SNTG1: variants seen among roughly 807,000 people sequenced by gnomAD.
SNTG1 encodes the protein syntrophin gamma 1.
SNTG1 carries 39 observed loss-of-function variants against 74.7 expected under a neutral mutation model. The observed-to-expected ratio is 0.52, with a 90% CI of 0.40 to 0.68. The LOEUF (loss-of-function observed/expected upper bound fraction) is 0.68. Ranked by LOEUF, SNTG1 falls within the 30% of genes least tolerant of loss-of-function variation. The pLI is 0.00. For missense variants in SNTG1, 685 were observed against 609.5 expected, an observed-to-expected ratio of 1.12 and a Z score of -1.30; for synonymous variants, 254 against 217.1, an observed-to-expected ratio of 1.17 and a Z score of -1.49.
At chr8:50,030,048 G>A (rs1191392812) in intron 1 of SNTG1, among the ~76,000 whole-genome samples, 3 of 152,016 alleles carry the variant, frequency 2.0e-5, no homozygotes. Context: ...ATTTTTACTG[G>A]TGTGAGATGA....
At chr8:50,706,968 G>T (rs1196088429) in intron 16 of SNTG1, among the ~76,000 whole-genome samples, 1 of 151,778 alleles carries the variant, frequency 6.6e-6, no homozygotes, top group South Asian at 2.1e-4. Context: ...TTTATGTATT[G>T]ATTTTTCTCT....
At chr8:50,154,443 C>T (rs1028190641) in intron 1 of SNTG1, among the ~76,000 whole-genome samples, 2 of 152,096 alleles carry the variant, frequency 1.3e-5, no homozygotes, top group African/African-American at 4.8e-5. Context: ...TGTCCTACCC[C>T]CACTGTCCAA....
chr8:50,702,188 T>C (rs557731347), intron 15 of SNTG1, among the ~76,000 whole-genome samples: 106 of 152,256 alleles, frequency 7.0e-4, no homozygotes, highest in Non-Finnish European at 1.3e-3. Context: ...CAATAATTTG[T>C]ACTAATATAT....
intron 15 of SNTG1, among the ~76,000 whole-genome samples, chr8:50,671,665 G>A (rs7000265): frequency 0.94 from 143,003 of 152,108 alleles, 67,265 homozygotes; most frequent in East Asian, 1. Context: ...AACTAGAAAT[G>A]CCATTTGACC....
At chr8:50,434,671 G>T (rs1421468538) in intron 4 of SNTG1, among the ~76,000 whole-genome samples, 3 of 152,058 alleles carry the variant, frequency 2.0e-5, no homozygotes, top group Non-Finnish European at 4.4e-5. Flanking sequence ...GTGTCTGTTG[G>T]CTGCATAAAT....
intron 8 of SNTG1, among the ~76,000 whole-genome samples, chr8:50,455,947 T>G (rs2093501265): frequency 6.6e-6 from 1 of 152,242 alleles, no homozygotes; most frequent in Non-Finnish European, 1.5e-5. Flanking sequence ...TTCTTTGAAT[T>G]AACTTCCACC....
chr8:50,314,892 C>G (rs1455935446), intron 2 of SNTG1, among the ~76,000 whole-genome samples: 1 of 149,724 alleles, frequency 6.7e-6, no homozygotes, highest in Admixed American at 6.8e-5. Context: ...GTGAACTTTT[C>G]TGTCTACTAG....
At chr8:50,651,396 C>T (rs995680239) in intron 13 of SNTG1, among the ~76,000 whole-genome samples, 1 of 151,924 alleles carries the variant, frequency 6.6e-6, no homozygotes, top group African/African-American at 2.4e-5. Context: ...TTGTTGAATC[C>T]CTCAAGTTTG....
chr8:50,508,445 A>G (rs2094030445), intron 9 of SNTG1, among the ~76,000 whole-genome samples: 1 of 152,170 alleles, frequency 6.6e-6, no homozygotes, highest in Admixed American at 6.5e-5. Context: ...CAGTAATGGG[A>G]TTGCTGGGTC....
At chr8:50,192,417 G>A (rs1197438962) in intron 2 of SNTG1, among the ~76,000 whole-genome samples, 2 of 152,062 alleles carry the variant, frequency 1.3e-5, no homozygotes, top group East Asian at 3.9e-4. Context: ...TTGATGTTGA[G>A]CATTTTTTTC....
At chr8:50,606,052 G>A (rs930897140) in intron 13 of SNTG1, among the ~76,000 whole-genome samples, 1 of 151,906 alleles carries the variant, frequency 6.6e-6, no homozygotes, top group African/African-American at 2.4e-5. Context: ...TTTTTGCATT[G>A]GTGTTCATCA....
intron 2 of SNTG1, among the ~76,000 whole-genome samples, chr8:50,230,310 A>T (rs1189886838): frequency 3.8e-5 from 1 of 26,634 alleles, no homozygotes; most frequent in African/African-American, 4.7e-5. Context: ...AAATCTCTAA[A>T]AAGATTGAGA....
intron 1 of SNTG1, among the ~76,000 whole-genome samples, chr8:49,925,848 T>C (rs1563354750): frequency 6.6e-6 from 1 of 152,200 alleles, no homozygotes; most frequent in Admixed American, 6.5e-5. Flanking sequence ...GACATTTAGG[T>C]TGCTTTCAGT....
rs75346826 is a variant in SNTG1, at chr8:50,431,879, T to C, written c.163-6664T>C. Among the ~76,000 whole-genome samples the C allele has an allele frequency of 2.3e-4, 35 of 152,334 alleles. No individual in the cohort carries two copies. The East Asian group carries it at 6.7e-3, about 29-fold the overall frequency. Reference sequence around the variant, plus strand: ...TCAGCCACTTTTTAATTGGGTTGTTTGTGTTCTTACTGAGTGTTATGAGTT... The same window carrying C: ...TCAGCCACTTTTTAATTGGGTTGTTCGTGTTCTTACTGAGTGTTATGAGTT... On this transcript the variant is annotated intron_variant, in intron 4 of 18. Transcript: ENST00000642720.
At chr8:49,946,748 G>A (rs949708434) in intron 1 of SNTG1, among the ~76,000 whole-genome samples, 1 of 152,018 alleles carries the variant, frequency 6.6e-6, no homozygotes, top group African/African-American at 2.4e-5. Context: ...CGATATTCTT[G>A]TTCCTTTTAC....
intron 1 of SNTG1, among the ~76,000 whole-genome samples, chr8:50,024,693 T>C (rs1004992855): frequency 2.0e-5 from 3 of 152,108 alleles, no homozygotes; most frequent in Admixed American, 2.0e-4. Context: ...CAAAATGAAA[T>C]GATTAAAACA....
chr8:50,635,310 C>A (rs1397835342), intron 13 of SNTG1, among the ~76,000 whole-genome samples: 1 of 152,088 alleles, frequency 6.6e-6, no homozygotes. Flanking sequence ...TACATTCGCT[C>A]AAGGCCCTAG....
chr8:50,363,892 C>T (rs2092034244), intron 2 of SNTG1, among the ~76,000 whole-genome samples: 1 of 152,062 alleles, frequency 6.6e-6, no homozygotes, highest in Admixed American at 6.6e-5. Context: ...AAACAGTTTA[C>T]CTATTAGATT....
intron 1 of SNTG1, among the ~76,000 whole-genome samples, chr8:49,980,981 A>G (rs1470193642): frequency 6.6e-6 from 1 of 152,212 alleles, no homozygotes; most frequent in Non-Finnish European, 1.5e-5. Context: ...CTTCTCTGTA[A>G]GTGCCCTTCT....
Sources: gnomAD v4.1 joint callset for allele counts (sites outside exome capture counted in the v4.1 genomes callset) on GRCh38, gnomAD v4.1.1 for gene constraint, MANE v1.5 for transcripts, NCBI Gene and HGNC (gene_info 2026-07-23, HGNC 2026-07-21) for gene names.